Variants in SHROOM3 observed in about 807,000 individuals in gnomAD.
The protein encoded by SHROOM3 is shroom family member 3, also known as protein Shroom3.
SHROOM3 carries 47 observed loss-of-function variants against 138.6 expected under a neutral mutation model. The observed-to-expected ratio is 0.34, with a 90% CI of 0.27 to 0.43. The LOEUF is 0.43. SHROOM3 is among the 20% of genes least tolerant of loss of function. SHROOM3 has a pLI of 1.00. For synonymous variants in SHROOM3, 1,062 were observed against 1,063.3 expected (o/e 1.00, Z 0.02); for missense variants, 2,491 against 2,596.5 (o/e 0.96, Z 0.88).
chr4:76,442,294 T>C (rs1730707670), intron 1 of SHROOM3, among the ~76,000 whole-genome samples: 1 of 152,114 alleles, frequency 6.6e-6, no homozygotes. Flanking sequence ...GCAAAAAAAG[T>C]TGCCAAGATG....
intron 5 of SHROOM3, among the ~76,000 whole-genome samples, chr4:76,743,945 T>G (rs1258852787): frequency 2.0e-5 from 3 of 152,212 alleles, no homozygotes; most frequent in Non-Finnish European, 1.5e-5. Context: ...TTCCTTTCTC[T>G]CCCCGTGTTT....
At chr4:76,685,264 G>T (rs1391465278) in intron 2 of SHROOM3, among the ~76,000 whole-genome samples, 1 of 152,212 alleles carries the variant, frequency 6.6e-6, no homozygotes, top group Middle Eastern at 3.4e-3. Context: ...ACAGTATAGA[G>T]CAGGGGTGTC....
At chr4:76,448,661 C>T (rs1283333932) in intron 1 of SHROOM3, among the ~76,000 whole-genome samples, 1 of 152,194 alleles carries the variant, frequency 6.6e-6, no homozygotes, top group Non-Finnish European at 1.5e-5. Flanking sequence ...CTTCCCTTTT[C>T]TACCTCATGT....
intron 2 of SHROOM3, chr4:76,688,344 C>A: frequency 1.0e-6 from 1 of 980,276 alleles, no homozygotes; most frequent in Non-Finnish European, 1.2e-6. Context: ...TGCATTCTGT[C>A]AGGATATAAG....
At chr4:76,488,045 A>G (rs1401075701) in intron 1 of SHROOM3, among the ~76,000 whole-genome samples, 1 of 152,218 alleles carries the variant, frequency 6.6e-6, no homozygotes, top group Non-Finnish European at 1.5e-5. Flanking sequence ...CCCTGAAACT[A>G]TGAAGAAGCT....
At chr4:76,763,138 C>A (rs1306547996) in intron 9 of SHROOM3, among the ~76,000 whole-genome samples, 2 of 152,132 alleles carry the variant, frequency 1.3e-5, no homozygotes, top group Non-Finnish European at 2.9e-5. Flanking sequence ...GTAATCCCAG[C>A]ACTTTGGGAG....
At chr4:76,507,539 C>CTT (rs5859518) in intron 1 of SHROOM3, among the ~76,000 whole-genome samples, 2,309 of 139,124 alleles carry the variant, frequency 0.017, 78 homozygotes, top group East Asian at 0.081. Context: ...TTGTATCTCT[C>CTT]TTTTTTTTTT....
chr4:76,568,113 TTGTTCGG>T (rs1733766245), intron 2 of SHROOM3, among the ~76,000 whole-genome samples: 1 of 152,162 alleles, frequency 6.6e-6, no homozygotes, highest in South Asian at 2.1e-4. Flanking sequence ...GGCAGGGATT[TTGTTCGG>T]TGTGGTATCC....
chr4:76,502,737 C>T (rs1246182613), intron 1 of SHROOM3, among the ~76,000 whole-genome samples: 1 of 152,176 alleles, frequency 6.6e-6, no homozygotes, highest in Non-Finnish European at 1.5e-5. Flanking sequence ...GAATGTTTTC[C>T]TGTGCTTTAT....
intron 2 of SHROOM3, among the ~76,000 whole-genome samples, chr4:76,646,505 T>C (rs1251165360): frequency 6.6e-6 from 1 of 152,092 alleles, no homozygotes; most frequent in Non-Finnish European, 1.5e-5. Flanking sequence ...TTTGGACTGT[T>C]AAGGTCCCTC....
At chr4:76,770,088 T>G (rs886747372) in intron 9 of SHROOM3, among the ~76,000 whole-genome samples, 6 of 152,202 alleles carry the variant, frequency 3.9e-5, no homozygotes, top group African/African-American at 9.6e-5. Context: ...TTTGAGAAGC[T>G]GAGGCTGGTG....
chr4:76,753,571 C>CT (rs1275607670), intron 6 of SHROOM3, among the ~76,000 whole-genome samples: 2 of 152,210 alleles, frequency 1.3e-5, no homozygotes, highest in Non-Finnish European at 2.9e-5. Context: ...GCCACAGACT[C>CT]TTTTTTCTGT....
At chr4:76,735,620 A>G (rs982043474) in intron 4 of SHROOM3, among the ~76,000 whole-genome samples, 2 of 151,674 alleles carry the variant, frequency 1.3e-5, no homozygotes, top group Non-Finnish European at 2.9e-5. Context: ...AGGGTGGATC[A>G]TTTGAGGTCA....
chr4:76,739,054 G>T lies in SHROOM3; in HGVS notation c.881G>T (p.Gly294Val), dbSNP rs1306877786. ...GSMDNTSARGGLLEGMRQADI... is the reference protein window; with the variant it reads ...GSMDNTSARGVLLEGMRQADI... Reference sequence around the variant, plus strand: ...ATGGACAATACTTCTGCTCGAGGTGGCCTCCTCGAAGGGATGAGGCAGGCA... The same window carrying T: ...ATGGACAATACTTCTGCTCGAGGTGTCCTCCTCGAAGGGATGAGGCAGGCA... Residue 294 changes from glycine to valine, a missense_variant, in exon 5 of 11, where the codon GGC becomes GTC. This residue lies in a region of SHROOM3 where 1,733 missense variants were observed against 1,661.6 expected (regional missense o/e 1.04). Coordinates refer to ENST00000296043, the MANE Select transcript of SHROOM3 (RefSeq NM_020859.4). The T allele has an allele frequency of 1.9e-6, 3 of 1,614,198 alleles. No individual in the cohort carries two copies. The highest frequency in any genetic ancestry group is 2.2e-5 in the East Asian group (1 of 44,878).
At chr4:76,774,889 A>G (rs941513832) in intron 10 of SHROOM3, among the ~76,000 whole-genome samples, 39 of 151,942 alleles carry the variant, frequency 2.6e-4, no homozygotes, top group African/African-American at 8.5e-4. Context: ...TACATAAGCT[A>G]TTTTGTATTG....
rs75037768 is a variant in SHROOM3, at chr4:76,669,912, C to T, written c.324-40244C>T. ...CATGTGCCTACCTGCCAACTGGGCACACCCACACCATATCTCATAGGCACT... is the reference window on the plus strand; with the variant it reads ...CATGTGCCTACCTGCCAACTGGGCATACCCACACCATATCTCATAGGCACT... On this transcript the variant is annotated intron_variant, in intron 2 of 10. Coordinates refer to ENST00000296043, the MANE Select transcript of SHROOM3 (RefSeq NM_020859.4). Among the ~76,000 whole-genome samples, 586 of 152,348 alleles carry T rather than the reference C, an allele frequency of 3.8e-3. 4 individuals are homozygous for T. Among genetic ancestry groups the T allele is most frequent in the African/African-American group, 0.013 (539 of 41,580 alleles).
At chr4:76,585,531 G>C (rs1251068580) in intron 2 of SHROOM3, among the ~76,000 whole-genome samples, 1 of 152,150 alleles carries the variant, frequency 6.6e-6, no homozygotes, top group Non-Finnish European at 1.5e-5. Flanking sequence ...AAGGATTGCG[G>C]TTTCAGGGCC....
intron 3 of SHROOM3, chr4:76,715,949 ATG>A: frequency 5.9e-6 from 1 of 168,944 alleles, no homozygotes. Flanking sequence ...GGAGGAGGGC[ATG>A]TGTTTAGCAG....
At chr4:76,443,438 A>T (rs1730739039) in intron 1 of SHROOM3, among the ~76,000 whole-genome samples, 2 of 152,242 alleles carry the variant, frequency 1.3e-5, no homozygotes, top group Non-Finnish European at 2.9e-5. Flanking sequence ...TTTTGAAAAA[A>T]CAAAACCTCA....
Sources: gnomAD v4.1 joint callset for allele counts (sites outside exome capture counted in the v4.1 genomes callset) on GRCh38, gnomAD v4.1.1 for gene constraint, gnomAD v4.1.1 regional missense constraint, MANE v1.5 for transcripts, NCBI Gene and HGNC (gene_info 2026-07-23, HGNC 2026-07-21) for gene names.